CBFA2T2: variants seen among roughly 807,000 people sequenced by gnomAD.
CBFA2T2 encodes the protein CBFA2/RUNX1 partner transcriptional co-repressor 2, also known as protein CBFA2T2.
CBFA2T2 carries 11 observed loss-of-function variants against 62.2 expected under a neutral mutation model. The observed-to-expected ratio is 0.18, with a 90% CI of 0.11 to 0.29. CBFA2T2 has a LOEUF of 0.29. Among genes scored for constraint, CBFA2T2 ranks in the 10% least tolerant of loss-of-function variants. The pLI, the probability that CBFA2T2 is intolerant of heterozygous loss-of-function variation, is 1.00. For synonymous variants in CBFA2T2, 295 were observed against 287.5 expected, an observed-to-expected ratio of 1.03 and a Z score of -0.27; for missense variants, 592 against 774.1, an observed-to-expected ratio of 0.76 and a Z score of 2.79.
intron 1 of CBFA2T2, among the ~76,000 whole-genome samples, chr20:33,573,819 C>T (rs372616407): frequency 2.0e-4 from 31 of 152,024 alleles, no homozygotes; most frequent in African/African-American, 7.5e-4. Context: ...CTTAACTCTT[C>T]ACCCAGGCTG....
intron 1 of CBFA2T2, among the ~76,000 whole-genome samples, chr20:33,547,466 G>C (rs2012608193): frequency 6.6e-6 from 1 of 152,166 alleles, no homozygotes; most frequent in Non-Finnish European, 1.5e-5. Context: ...ACTTTGGGAG[G>C]CTTAGGCAGG....
At position 33,599,046 on chromosome 20, in the gene CBFA2T2, A is replaced by G. The variant is rs936899130; in HGVS notation, c.35-7910A>G. On this transcript the variant is annotated intron_variant, in intron 1 of 10. Transcript: ENST00000342704. ...GAGGCCGAGGCAGGTGGATTGCCTG[A>G]GCTCAGGAGTTCGAGACCAGCCTGG... is the stretch of plus-strand genomic sequence containing the variant. Among the ~76,000 whole-genome samples the G allele has an allele frequency of 4.0e-5, 6 of 151,886 alleles. No individual in the cohort carries two copies. The East Asian group carries it at 1.2e-3, about 29-fold the overall frequency.
At chr20:33,586,140 T>A (rs946742403) in intron 1 of CBFA2T2, among the ~76,000 whole-genome samples, 2 of 152,216 alleles carry the variant, frequency 1.3e-5, no homozygotes, top group African/African-American at 4.8e-5. Flanking sequence ...ATATTGTGAT[T>A]ATTATCATTA....
chr20:33,491,099 ATG>A (rs2011143415), intron 1 of CBFA2T2, among the ~76,000 whole-genome samples: 1 of 152,014 alleles, frequency 6.6e-6, no homozygotes, highest in African/African-American at 2.4e-5. Flanking sequence ...TTCCTCCTTG[ATG>A]TGTGAGATCC....
intron 10 of CBFA2T2, among the ~76,000 whole-genome samples, chr20:33,643,049 G>A (rs1020987737): frequency 6.6e-6 from 1 of 152,184 alleles, no homozygotes; most frequent in African/African-American, 2.4e-5. Context: ...GCTGATTCTC[G>A]TCCATCAAGA....
chr20:33,644,505 G>C lies in CBFA2T2; in HGVS notation c.1647G>C (p.Pro549=). The change falls in exon 11 of 11, where the codon CCG becomes CCC. Residue 549 remains proline, a synonymous_variant. Transcript: ENST00000342704. ...HGQSPHGQGR[P]LLPVGRGSSA... ...AGAGCCCCCACGGCCAGGGCCGGCCGCTGCTTCCTGTAGGCAGGGGCTCCT... is the reference window on the plus strand; with the variant it reads ...AGAGCCCCCACGGCCAGGGCCGGCCCCTGCTTCCTGTAGGCAGGGGCTCCT... The C allele has an allele frequency of 6.2e-7, 1 of 1,614,000 alleles. No homozygotes were observed. The highest frequency in any genetic ancestry group is 1.1e-5 in the South Asian group (1 of 91,078).
In CBFA2T2 at chr20:33,649,241, GGA is replaced by G. The variant is rs1286578309; in HGVS notation, c.*4596_*4597del. The stretch of plus-strand genomic sequence containing the variant: ...AACGGAAGAATAGCCAGCGGAGCAT[GGA>G]CTGTTCCAGCACGGGCCAGATGGCC... On this transcript the variant is annotated 3_prime_UTR_variant, in exon 11 of 11. Coordinates refer to ENST00000342704, the MANE Select transcript of CBFA2T2 (RefSeq NM_001032999.3). The G allele has an allele frequency of 7.2e-5, 11 of 152,508 alleles. No homozygotes were observed. Among genetic ancestry groups the G allele is most frequent in the Admixed American group, 2.6e-4 (4 of 15,300 alleles). 9.4% of individuals were successfully genotyped at this position (152,508 alleles called of 1,614,324 possible).
At chr20:33,519,326 C>T (rs1315944152) in intron 1 of CBFA2T2, among the ~76,000 whole-genome samples, 3 of 151,938 alleles carry the variant, frequency 2.0e-5, no homozygotes, top group African/African-American at 7.3e-5. Context: ...AAAAATTAGC[C>T]CGGTGCAGTG....
chr20:33,633,191 C>CA (rs2122365651), intron 8 of CBFA2T2, among the ~76,000 whole-genome samples: 1 of 151,942 alleles, frequency 6.6e-6, no homozygotes, highest in African/African-American at 2.4e-5. Flanking sequence ...GCCAACATGT[C>CA]AAAACACTGT....
intron 1 of CBFA2T2, among the ~76,000 whole-genome samples, chr20:33,498,770 C>A (rs1349969402): frequency 6.6e-6 from 1 of 151,792 alleles, no homozygotes; most frequent in Non-Finnish European, 1.5e-5. Context: ...TGGCCAGGCA[C>A]AGTGGCTCAT....
intron 1 of CBFA2T2, among the ~76,000 whole-genome samples, chr20:33,550,114 C>T (rs113472370): frequency 7.9e-5 from 12 of 152,030 alleles, no homozygotes; most frequent in Non-Finnish European, 1.6e-4. Context: ...AATGTAATAA[C>T]GTTCTACATT....
At chr20:33,537,048 C>A (rs1347100544) in intron 1 of CBFA2T2, among the ~76,000 whole-genome samples, 1 of 151,082 alleles carries the variant, frequency 6.6e-6, no homozygotes, top group African/African-American at 2.4e-5. Context: ...AGACGATGGG[C>A]GGCCAGGCAG....
chr20:33,609,492 A>T (rs914908190), intron 2 of CBFA2T2, among the ~76,000 whole-genome samples: 1 of 151,934 alleles, frequency 6.6e-6, no homozygotes, highest in African/African-American at 2.4e-5. Flanking sequence ...ACAGAGCAAG[A>T]CTCGGTCTCT....
intron 1 of CBFA2T2, among the ~76,000 whole-genome samples, chr20:33,516,861 A>G (rs1267236671): frequency 6.6e-6 from 1 of 152,222 alleles, no homozygotes; most frequent in Non-Finnish European, 1.5e-5. Context: ...ATTCTAGAAG[A>G]TCTTTGCTTT....
At chr20:33,496,564 T>C (rs1018127134) in intron 1 of CBFA2T2, among the ~76,000 whole-genome samples, 27 of 152,190 alleles carry the variant, frequency 1.8e-4, no homozygotes, top group African/African-American at 6.0e-4. Context: ...TTCAAGGAAG[T>C]CTAAACAGTT....
At chr20:33,613,106 A>G (rs2015586344) in intron 3 of CBFA2T2, among the ~76,000 whole-genome samples, 1 of 152,232 alleles carries the variant, frequency 6.6e-6, no homozygotes, top group African/African-American at 2.4e-5. Flanking sequence ...TCAGTCTATT[A>G]TGAAAGGAAC....
chr20:33,621,294 T>TTTTTTTTTTTTTTTC, intron 4 of CBFA2T2, among the ~76,000 whole-genome samples: 1 of 65,404 alleles, frequency 1.5e-5, no homozygotes, highest in African/African-American at 5.7e-5. Flanking sequence ...TGCCTTTTTT[T>TTTTTTTTTTTTTTTC]TTTTTTTTTT....
intron 1 of CBFA2T2, among the ~76,000 whole-genome samples, chr20:33,499,985 A>G (rs1342636091): frequency 6.6e-6 from 1 of 152,024 alleles, no homozygotes; most frequent in Non-Finnish European, 1.5e-5. Context: ...TTTTTTTTAA[A>G]GACAGTCTCT....
intron 2 of CBFA2T2, among the ~76,000 whole-genome samples, chr20:33,607,716 A>G (rs995144381): frequency 6.6e-6 from 1 of 152,110 alleles, no homozygotes; most frequent in African/African-American, 2.4e-5. Context: ...CTTTAAGGAT[A>G]ATAATCATAT....
Sources: gnomAD v4.1 joint callset for allele counts (sites outside exome capture counted in the v4.1 genomes callset) on GRCh38, gnomAD v4.1.1 for gene constraint, MANE v1.5 for transcripts, NCBI Gene and HGNC (gene_info 2026-07-23, HGNC 2026-07-21) for gene names.